CCSAP: variants seen among roughly 807,000 people sequenced by gnomAD.
The protein encoded by CCSAP is centriole, cilia and spindle-associated protein.
A neutral mutation model predicts 25.9 loss-of-function variants in CCSAP; 17 were observed. The ratio of observed to expected loss-of-function variants is 0.66; its 90% CI spans 0.45 to 0.99. The LOEUF (loss-of-function observed/expected upper bound fraction) is 0.99, where lower values mean the gene tolerates loss of function less well. Among genes scored for constraint, CCSAP ranks in the 50% least tolerant of loss-of-function variants. The pLI, the probability that CCSAP is intolerant of heterozygous loss-of-function variation, is 0.00. For missense variants in CCSAP, 339 were observed against 367.8 expected (o/e 0.92, Z 0.64); for synonymous variants, 169 against 157.1 (o/e 1.08, Z -0.57).
At position 229,324,706 on chromosome 1, in the gene CCSAP, A is replaced by G. The variant is rs1657900941; in HGVS notation, c.*529T>C. On this transcript the variant is annotated 3_prime_UTR_variant, in exon 4 of 4. Transcript: ENST00000284617. The stretch of plus-strand genomic sequence containing the variant: ...AATTTTCAGGAACTAGCAAAGTTCT[A>G]CTTTCATTATACATGGAATCAGTAG... The G allele has an allele frequency of 6.6e-6, 1 of 152,588 alleles. No individual in the cohort carries two copies. Among genetic ancestry groups the G allele is most frequent in the African/African-American group, 2.4e-5 (1 of 41,458 alleles). The allele number at this position is 152,588 out of a possible 1,614,324, so 9.5% of individuals were successfully genotyped here. A position where few individuals can be genotyped will look rare whatever the true frequency, so the allele number is the denominator to read the frequency against.
At position 229,332,812 on chromosome 1, in the gene CCSAP, T is replaced by C. The variant is rs192879384; in HGVS notation, c.368-5806A>G. ...TCAATACCCACATGTGGCTAGTGGC[T>C]ACCCTGGCAGACAGCGCAAATGGAG... On this transcript the variant is annotated intron_variant, in intron 2 of 3. Transcript: ENST00000284617. Among the ~76,000 whole-genome samples, 25 of 152,296 alleles carry C rather than the reference T, an allele frequency of 1.6e-4. No homozygotes were observed. In the East Asian group the frequency reaches 4.0e-3, roughly 25 times the overall value.
In CCSAP at chr1:229,324,383, A is replaced by G. The variant is rs1242900244; in HGVS notation, c.*852T>C. On this transcript the variant is annotated 3_prime_UTR_variant, in exon 4 of 4. Coordinates refer to ENST00000284617, the MANE Select transcript of CCSAP (RefSeq NM_145257.5). ...CAAAAGTCCACAGTGGGTGTATGCC[A>G]AAAGGTCAAGTGTGACAAGGGACTG... is the stretch of plus-strand genomic sequence containing the variant. 6.6e-6 allele frequency: 1 copy of G among 152,342 alleles called. No homozygotes were observed. Among genetic ancestry groups the G allele is most frequent in the African/African-American group, 2.4e-5 (1 of 41,376 alleles). 9.4% of individuals were successfully genotyped at this position (152,342 alleles called of 1,614,324 possible). A position where few individuals can be genotyped will look rare whatever the true frequency, so the allele number is the denominator to read the frequency against.
rs367794347 is a variant in CCSAP, at chr1:229,342,254, C to A, written c.212G>T (p.Gly71Val). 10 of 1,276,886 alleles carry A rather than the reference C, an allele frequency of 7.8e-6. No individual in the cohort carries two copies. The African/African-American group carries it at 1.2e-4, about 16-fold the overall frequency. The allele number at this position is 1,276,886 out of a possible 1,614,324, so 79.1% of individuals were successfully genotyped here. A position where few individuals can be genotyped will look rare whatever the true frequency, so the allele number is the denominator to read the frequency against. ...SASSESSGAG[G>V]PAPRCAPPSP... Reference sequence around the variant, plus strand: ...GGGCGGGGCGCACCGGGGTGCGGGGCCCCCGGCGCCCGACGACTCTGACGA... The same window carrying A: ...GGGCGGGGCGCACCGGGGTGCGGGGACCCCGGCGCCCGACGACTCTGACGA... The change falls in exon 2 of 4, where the codon GGC becomes GTC. Residue 71 changes from glycine to valine, a missense_variant. By Grantham distance (109) the Gly-to-Val change is moderately radical (BLOSUM62 -3). Transcript: ENST00000284617. The surrounding 1 kb of genome is among the most constrained non-coding windows in gnomAD (Gnocchi z 7.5).
intron 2 of CCSAP, among the ~76,000 whole-genome samples, chr1:229,330,788 T>A (rs1453378562): frequency 6.9e-6 from 1 of 144,556 alleles, no homozygotes; most frequent in Non-Finnish European, 1.5e-5. Context: ...GAGCTTGCAG[T>A]GAGCCGAGAT....
At chr1:229,332,156 A>G (rs1658083638) in intron 2 of CCSAP, among the ~76,000 whole-genome samples, 2 of 152,024 alleles carry the variant, frequency 1.3e-5, no homozygotes, top group South Asian at 4.1e-4. Flanking sequence ...AGTATCCTTT[A>G]TAATAAACTG....
Position 229,340,438 on chromosome 1 carries a change from G to A in CCSAP, c.367+1661C>T, listed in dbSNP as rs746399690. 5.6e-6 allele frequency: 4 copies of A among 715,820 alleles called. No individual in the cohort carries two copies. In the East Asian group the frequency reaches 8.1e-5, roughly 14 times the overall value. 44.3% of individuals were successfully genotyped at this position (715,820 alleles called of 1,614,324 possible). On this transcript the variant is annotated intron_variant, in intron 2 of 3. Transcript: ENST00000284617. ...ATACAGGCACCATCCATATCACAACGCTGCCTAAAAATTGTATTTATATTG... is the reference window on the plus strand; with the variant it reads ...ATACAGGCACCATCCATATCACAACACTGCCTAAAAATTGTATTTATATTG...
intron 2 of CCSAP, among the ~76,000 whole-genome samples, chr1:229,338,538 A>AATACACACACACAC (rs112991384): frequency 2.1e-5 from 3 of 141,820 alleles, no homozygotes; most frequent in African/African-American, 7.9e-5. Flanking sequence ...CCCAAACCCC[A>AATACACACACACAC]ACACACACAC....
chr1:229,336,576 G>A (rs1029691795), intron 2 of CCSAP, among the ~76,000 whole-genome samples: 1 of 152,100 alleles, frequency 6.6e-6, no homozygotes, highest in Non-Finnish European at 1.5e-5. Flanking sequence ...AGGAACAGCT[G>A]GGTCCTCAGC....
At chr1:229,339,824 G>A (rs112650549) in intron 2 of CCSAP, among the ~76,000 whole-genome samples, 1,552 of 152,238 alleles carry the variant, frequency 0.01, 34 homozygotes, top group African/African-American at 0.035. Flanking sequence ...GGCACAATAC[G>A]GTACATACTA....
intron 3 of CCSAP, among the ~76,000 whole-genome samples, chr1:229,325,700 C>G (rs1197356688): frequency 6.6e-6 from 1 of 152,234 alleles, no homozygotes; most frequent in African/African-American, 2.4e-5. Flanking sequence ...AGAGTTGGCT[C>G]TGGAAAACTG....
At chr1:229,327,887 AGAG>A (rs1372449607) in intron 2 of CCSAP, among the ~76,000 whole-genome samples, 22 of 144,032 alleles carry the variant, frequency 1.5e-4, no homozygotes, top group Non-Finnish European at 2.1e-4. Flanking sequence ...AAAAAAAAAA[AGAG>A]GGCCCCAGTT....
At chr1:229,329,687 G>T (rs1218076107) in intron 2 of CCSAP, among the ~76,000 whole-genome samples, 2 of 152,102 alleles carry the variant, frequency 1.3e-5, no homozygotes, top group African/African-American at 4.8e-5. Context: ...GTGCCAGGAT[G>T]TTTTTTTAAC....
intron 2 of CCSAP, among the ~76,000 whole-genome samples, chr1:229,337,670 C>CAAAAAAAAAAAAAAAAAAAAAA (rs539736168): frequency 1.1e-4 from 6 of 55,998 alleles, no homozygotes; most frequent in African/African-American, 2.2e-4. Context: ...ATCAAAGGCT[C>CAAAAAAAAAAAAAAAAAAAAAA]AAAAAAAAAT....
chr1:229,333,200 A>G (rs567930924), intron 2 of CCSAP, among the ~76,000 whole-genome samples: 6 of 152,294 alleles, frequency 3.9e-5, no homozygotes, highest in Admixed American at 3.9e-4. Context: ...TGGGAGGCCA[A>G]GGCGGGCAGA....
At chr1:229,341,487 C>A (rs901743275) in intron 2 of CCSAP, among the ~76,000 whole-genome samples, 1 of 152,192 alleles carries the variant, frequency 6.6e-6, no homozygotes, top group African/African-American at 2.4e-5. Context: ...CCGGCGCTTT[C>A]GGATCTGGAC....
intron 2 of CCSAP, chr1:229,327,392 T>C (rs1657965149): frequency 5.3e-6 from 2 of 379,688 alleles, no homozygotes; most frequent in Non-Finnish European, 1.0e-5. Flanking sequence ...GGATTTGTGG[T>C]CATCCTCCAG....
rs1658345640 is a variant in CCSAP, at chr1:229,342,056, T to G, written c.367+43A>C. The G allele has an allele frequency of 7.7e-7, 1 of 1,301,374 alleles. No individual in the cohort carries two copies. Among genetic ancestry groups the G allele is most frequent in the Non-Finnish European group, 9.7e-7 (1 of 1,026,258 alleles). 80.6% of individuals were successfully genotyped at this position (1,301,374 alleles called of 1,614,324 possible). On this transcript the variant is annotated intron_variant, in intron 2 of 3. Transcript: ENST00000284617. The surrounding 1 kb of genome is among the most constrained non-coding windows in gnomAD (Gnocchi z 7.5). ...GCTGCTCAGAGCTTAGAGCAAACCG[T>G]CCCTGCGTGCAGGCCCCTCGCGCTC...
In CCSAP at chr1:229,342,121, G is replaced by C. The variant is rs778208826; in HGVS notation, c.345C>G (p.Asp115Glu). 19 of 1,344,560 alleles carry C rather than the reference G, an allele frequency of 1.4e-5. No homozygotes were observed. The African/African-American group carries it at 2.9e-4, about 20-fold the overall frequency. 83.3% of individuals were successfully genotyped at this position (1,344,560 alleles called of 1,614,324 possible). Residue 115 changes from aspartate (D) to glutamate (E), a missense_variant, in exon 2 of 4, where the codon GAC becomes GAG. Asp to Glu is a conservative substitution (Grantham distance 45). Transcript: ENST00000284617. The surrounding 1 kb of genome is among the most constrained non-coding windows in gnomAD (Gnocchi z 7.5). ...DAEAGDAEAEDAEDAALPALP... is the reference protein window; with the variant it reads ...DAEAGDAEAEEAEDAALPALP... The stretch of plus-strand genomic sequence containing the variant: ...TACCTGGCAGAGCCGCGTCCTCCGC[G>C]TCCTCGGCCTCCGCGTCCCCGGCCT...
At chr1:229,328,582 C>T (rs1196460074) in intron 2 of CCSAP, among the ~76,000 whole-genome samples, 2 of 152,214 alleles carry the variant, frequency 1.3e-5, no homozygotes, top group African/African-American at 2.4e-5. Context: ...GCTGGGATTA[C>T]AGGCCTGAGC....
Sources: gnomAD v4.1 joint callset for allele counts (sites outside exome capture counted in the v4.1 genomes callset) on GRCh38, gnomAD v4.1.1 for gene constraint, Gnocchi (gnomAD v3.1) non-coding constraint, MANE v1.5 for transcripts, NCBI Gene and HGNC (gene_info 2026-07-23, HGNC 2026-07-21) for gene names.